Variants in TSGA10 observed in about 807,000 individuals in gnomAD.
TSGA10 encodes the protein testis-specific gene 10 protein.
In TSGA10, 43 loss-of-function variants were observed where a neutral mutation model predicts 96.6. The ratio of observed to expected loss-of-function variants is 0.44; its 90% CI spans 0.35 to 0.57. The LOEUF is 0.57. Among genes scored for constraint, TSGA10 ranks in the 20% least tolerant of loss-of-function variants. The pLI is 0.01. For synonymous variants in TSGA10, 229 were observed against 269.9 expected (o/e 0.85, Z 1.48); for missense variants, 703 against 834.4 (o/e 0.84, Z 1.94).
At chr2:99,102,905 C>A (rs1412152939) in intron 10 of TSGA10, among the ~76,000 whole-genome samples, 1 of 152,058 alleles carries the variant, frequency 6.6e-6, no homozygotes, top group South Asian at 2.1e-4. Flanking sequence ...TTATAAGATA[C>A]TCTGTAATGT....
rs200309936 is a variant in TSGA10, at chr2:99,085,609, TAAAAAAAAA to T, written c.612-4221_612-4213del. ...GGGCAACAGAGGGCAATCCTGTCTT[TAAAAAAAAA>T]AAAAAAAAAAAAAAAAGTTGTTTTT... is the stretch of plus-strand genomic sequence containing the variant. On this transcript the variant is annotated intron_variant, in intron 10 of 20. Coordinates refer to ENST00000393483, the MANE Select transcript of TSGA10 (RefSeq NM_025244.4). 1.9e-3 allele frequency among the ~76,000 whole-genome samples: 99 copies of T among 52,472 alleles called. 3 individuals are homozygous for T. Among genetic ancestry groups the T allele is most frequent in the African/African-American group, 9.7e-3 (82 of 8,468 alleles). 34.4% of individuals were successfully genotyped at this position (52,472 alleles called of 152,430 possible).
intron 10 of TSGA10, among the ~76,000 whole-genome samples, chr2:99,091,336 A>G (rs1199489117): frequency 6.6e-6 from 1 of 152,216 alleles, no homozygotes; most frequent in Non-Finnish European, 1.5e-5. Flanking sequence ...TAAATCTCAC[A>G]GGACCTATAA....
intron 20 of TSGA10, among the ~76,000 whole-genome samples, chr2:99,002,245 G>A (rs1335516127): frequency 6.6e-6 from 1 of 152,184 alleles, no homozygotes; most frequent in African/African-American, 2.4e-5. Context: ...GAAAGGTCCG[G>A]TTACCCACAA....
intron 10 of TSGA10, among the ~76,000 whole-genome samples, chr2:99,097,514 T>C (rs1044111175): frequency 9.2e-5 from 14 of 152,098 alleles, no homozygotes; most frequent in African/African-American, 3.1e-4. Flanking sequence ...GTAAATGGAG[T>C]TACTGTTCTA....
intron 1 of TSGA10, among the ~76,000 whole-genome samples, chr2:99,128,723 T>C (rs1559105705): frequency 1.3e-5 from 2 of 152,190 alleles, no homozygotes; most frequent in Admixed American, 6.5e-5. Context: ...TCTCCAAATT[T>C]ACCTCCTACT....
chr2:99,113,337 T>A (rs1252468620), intron 4 of TSGA10, among the ~76,000 whole-genome samples: 1 of 152,110 alleles, frequency 6.6e-6, no homozygotes, highest in Non-Finnish European at 1.5e-5. Context: ...GCCCTGCAGA[T>A]CCTCCTTATT....
At chr2:99,000,831 A>C (rs577802110) in intron 20 of TSGA10, among the ~76,000 whole-genome samples, 14 of 152,188 alleles carry the variant, frequency 9.2e-5, no homozygotes, top group African/African-American at 2.6e-4. Flanking sequence ...TATCCCATGC[A>C]TGGCTCGGTG....
chr2:99,100,575 C>T (rs2090572761), intron 10 of TSGA10, among the ~76,000 whole-genome samples: 1 of 152,002 alleles, frequency 6.6e-6, no homozygotes, highest in Non-Finnish European at 1.5e-5. Context: ...AATCCCAGCA[C>T]TTTGGGAGGC....
In TSGA10 at chr2:98,998,217, G is replaced by T. The variant is rs149325770; in HGVS notation, c.2077C>A (p.Leu693Ile). The change falls in exon 21 of 21, where the codon CTT becomes ATT. Residue 693 changes from leucine (L) to isoleucine (I), a missense_variant. This residue lies in a region of TSGA10 where 69 missense variants were observed against 81.3 expected (regional missense o/e 0.85). Transcript: ENST00000393483. Reference protein sequence around the residue: ...RGLDRSLEENLCYRDF With the variant: ...RGLDRSLEENICYRDF ...AGGTGTCAGAAATCTCTGTAGCAAAGATTCCTATAAGAGAAAAAATCATGC... is the reference window on the plus strand; with the variant it reads ...AGGTGTCAGAAATCTCTGTAGCAAATATTCCTATAAGAGAAAAAATCATGC... 8.5e-4 allele frequency: 1,358 copies of T among 1,597,550 alleles called. 2 individuals carry two copies. The highest frequency in any genetic ancestry group is 3.2e-3 in the Middle Eastern group (19 of 5,986).
intron 20 of TSGA10, among the ~76,000 whole-genome samples, chr2:99,004,619 A>G (rs9678513): frequency 0.1 from 15,493 of 152,152 alleles, 1,732 homozygotes; most frequent in African/African-American, 0.27. Context: ...GAATAGACCA[A>G]TAACAGGCTC....
At chr2:99,150,563 G>C in intron 1 of TSGA10, 1 of 1,612,972 alleles carries the variant, frequency 6.2e-7, no homozygotes, top group Non-Finnish European at 8.5e-7. Context: ...ATCCTAATGG[G>C]ATTTTCACTT....
intron 1 of TSGA10, among the ~76,000 whole-genome samples, chr2:99,134,570 C>CGG (rs2093245590): frequency 6.6e-6 from 1 of 152,112 alleles, no homozygotes; most frequent in African/African-American, 2.4e-5. Flanking sequence ...CCTTCTGAAG[C>CGG]CTACTTCTGT....
At chr2:99,103,547 G>A (rs934574881) in intron 10 of TSGA10, among the ~76,000 whole-genome samples, 4 of 152,068 alleles carry the variant, frequency 2.6e-5, no homozygotes, top group African/African-American at 7.2e-5. Flanking sequence ...TCTCTGTTAC[G>A]GCTTTTCATT....
intron 9 of TSGA10, among the ~76,000 whole-genome samples, chr2:99,104,625 C>T (rs945529156): frequency 2.0e-5 from 3 of 152,092 alleles, no homozygotes; most frequent in Non-Finnish European, 4.4e-5. Flanking sequence ...CAGGCGCATG[C>T]CACCACACCT....
At chr2:99,089,209 G>A (rs1396061419) in intron 10 of TSGA10, among the ~76,000 whole-genome samples, 5 of 152,278 alleles carry the variant, frequency 3.3e-5, no homozygotes, top group South Asian at 2.1e-4. Context: ...AGAGCCAAGC[G>A]AAATACAGGA....
At chr2:99,095,949 A>G (rs946591390) in intron 10 of TSGA10, among the ~76,000 whole-genome samples, 4 of 152,146 alleles carry the variant, frequency 2.6e-5, no homozygotes, top group African/African-American at 7.2e-5. Flanking sequence ...AAAAAAAAGT[A>G]TATTGTATCA....
intron 16 of TSGA10, among the ~76,000 whole-genome samples, chr2:99,049,799 G>T (rs2083198824): frequency 6.6e-6 from 1 of 151,384 alleles, no homozygotes; most frequent in Admixed American, 6.6e-5. Context: ...TGCCTTGTTG[G>T]CAGATCCACC....
chr2:99,112,159 A>G (rs2091873865), intron 4 of TSGA10, among the ~76,000 whole-genome samples: 2 of 152,172 alleles, frequency 1.3e-5, no homozygotes, highest in Admixed American at 1.3e-4. Flanking sequence ...CACTTACTTA[A>G]CAATTAATGA....
intron 10 of TSGA10, among the ~76,000 whole-genome samples, chr2:99,096,312 T>C (rs1229541029): frequency 6.6e-6 from 1 of 152,238 alleles, no homozygotes; most frequent in Non-Finnish European, 1.5e-5. Context: ...CAAGTTGTTA[T>C]ACACCTTTCT....
Sources: allele counts gnomAD v4.1 joint callset (sites outside exome capture counted in the v4.1 genomes callset), GRCh38; gene constraint gnomAD v4.1.1; regional missense constraint gnomAD v4.1.1; transcripts MANE v1.5; gene names NCBI Gene and HGNC (gene_info 2026-07-23, HGNC 2026-07-21).